Variants in MOSPD3 observed in about 807,000 individuals in gnomAD.
MOSPD3 encodes motile sperm domain containing 3, also known as motile sperm domain-containing protein 3.
In MOSPD3, 20 loss-of-function variants were observed where a neutral mutation model predicts 23.3. The ratio of observed to expected loss-of-function variants is 0.86; its 90% confidence interval spans 0.61 to 1.25. The LOEUF (loss-of-function observed/expected upper bound fraction) is 1.25, where lower values mean the gene tolerates loss of function less well. Among genes scored for constraint, MOSPD3 ranks in the 50% most tolerant of loss-of-function variants. MOSPD3 has a pLI of 0.00. For synonymous variants in MOSPD3, 136 were observed against 135.2 expected, an observed-to-expected ratio of 1.01 and a Z score of -0.04; for missense variants, 307 against 315.7, an observed-to-expected ratio of 0.97 and a Z score of 0.21.
At chr7:100,614,554 A>G (rs555251540) in intron 3 of MOSPD3, among the ~76,000 whole-genome samples, 1 of 151,720 alleles carries the variant, frequency 6.6e-6, no homozygotes, top group South Asian at 2.1e-4. Context: ...GGAGGATTGC[A>G]ATTGCTCGAG....
Position 100,613,629 on chromosome 7 carries a change from A to T in MOSPD3, c.434A>T (p.Gln145Leu). 1 of 1,614,116 alleles carries T rather than the reference A, an allele frequency of 6.2e-7. No homozygotes were observed. The highest frequency in any genetic ancestry group is 8.5e-7 in the Non-Finnish European group (1 of 1,180,004). The change falls in exon 3 of 5, where the codon CAG becomes CTG. Residue 145 changes from glutamine (Q) to leucine (L), a missense_variant. Transcript: ENST00000393950. ...LRAPAYPLELQGQPDPAPRPG... is the reference protein window; with the variant it reads ...LRAPAYPLELLGQPDPAPRPG... The stretch of plus-strand genomic sequence containing the variant: ...GCCCCAGCGTACCCCCTTGAGCTTC[A>T]GGGACAGCCAGATCCAGCGCCTCGC...
chr7:100,613,494 C>G lies in MOSPD3; in HGVS notation c.299C>G (p.Ala100Gly). The G allele has an allele frequency of 6.2e-7, 1 of 1,614,164 alleles. No homozygotes were observed. Among genetic ancestry groups the G allele is most frequent in the African/African-American group, 1.3e-5 (1 of 75,052 alleles). ...SCIDIVIRHV[A>G]PIPSHYDVQD... The stretch of plus-strand genomic sequence containing the variant: ...GGGACCAGTGTGATTCGCCATGTGG[C>G]ACCCATTCCCAGCCACTATGATGTC... Residue 100 changes from alanine to glycine, a missense_variant, in exon 3 of 5, where the codon GCA (alanine) becomes GGA (glycine). Coordinates refer to ENST00000393950, the MANE Select transcript of MOSPD3 (RefSeq NM_023948.5).
In MOSPD3 at chr7:100,615,227, G is replaced by A. The variant is rs866886096; in HGVS notation, c.*44G>A. Reference sequence around the variant, plus strand: ...AGCCCACCCCACCCTCCCTGGGCAGGGTCTTGAGGCAGCCACTGTGATGCT... The same window carrying A: ...AGCCCACCCCACCCTCCCTGGGCAGAGTCTTGAGGCAGCCACTGTGATGCT... On this transcript the variant is annotated 3_prime_UTR_variant, in exon 5 of 5. Transcript: ENST00000393950. 1 of 1,596,232 alleles carries A rather than the reference G, an allele frequency of 6.3e-7. No homozygotes were observed. Among genetic ancestry groups the A allele is most frequent in the Non-Finnish European group, 8.6e-7 (1 of 1,167,998 alleles).
Position 100,614,832 on chromosome 7 carries a change from G to T in MOSPD3, c.512-35G>T, listed in dbSNP as rs184914150. On this transcript the variant is annotated intron_variant, in intron 3 of 4. Coordinates refer to ENST00000393950, the MANE Select transcript of MOSPD3 (RefSeq NM_023948.5). The stretch of plus-strand genomic sequence containing the variant: ...TGGAGGACCTGGGCTGGGCAGGAGT[G>T]GGGGCTGCAGCATCTGATGAGTCTT... 494 of 1,590,030 alleles carry T rather than the reference G, an allele frequency of 3.1e-4. No homozygotes were observed. In the African/African-American group the frequency reaches 5.6e-3, roughly 18 times the overall value.
intron 3 of MOSPD3, 115 bp downstream of exon 3, chr7:100,613,821 G>C (rs776191627): frequency 1.8e-5 from 17 of 922,668 alleles, no homozygotes; most frequent in Non-Finnish European, 2.6e-5. Flanking sequence ...TTGTCTTTTG[G>C]TGGAAACATT....
chr7:100,614,832 G>C lies in MOSPD3; in HGVS notation c.512-35G>C, dbSNP rs184914150. 45 of 1,590,030 alleles carry C rather than the reference G, an allele frequency of 2.8e-5. No individual in the cohort carries two copies. The East Asian group carries it at 7.2e-4, about 26-fold the overall frequency. ...TGGAGGACCTGGGCTGGGCAGGAGT[G>C]GGGGCTGCAGCATCTGATGAGTCTT... On this transcript the variant is annotated intron_variant, in intron 3 of 4. Coordinates refer to ENST00000393950, the MANE Select transcript of MOSPD3 (RefSeq NM_023948.5).
chr7:100,612,487 TGAGGA>T (rs1802852089), upstream of MOSPD3: 1 of 259,382 alleles, frequency 3.9e-6, no homozygotes, highest in Admixed American at 5.2e-5. Flanking sequence ...GAGCTGGGCG[TGAGGA>T]GAAGGCCGGG....
At position 100,613,699 on chromosome 7, in the gene MOSPD3, C is replaced by A; in HGVS notation, c.504C>A (p.Phe168Leu). 1 of 1,612,098 alleles carries A rather than the reference C, an allele frequency of 6.2e-7. No homozygotes were observed. Among genetic ancestry groups the A allele is most frequent in the Non-Finnish European group, 8.5e-7 (1 of 1,179,910 alleles). Reference protein sequence around the residue: ...AGTPPPTARHFQEHPRQQLAT... With the variant: ...AGTPPPTARHLQEHPRQQLAT... Reference sequence around the variant, plus strand: ...CACCACCACCCACGGCCAGACACTTCCAGGAGCGTGAGTTGGGAGACTGGG... The same window carrying A: ...CACCACCACCCACGGCCAGACACTTACAGGAGCGTGAGTTGGGAGACTGGG... Residue 168 changes from phenylalanine to leucine, a missense_variant, in exon 3 of 5, where the codon TTC becomes TTA. Physicochemically the swap from Phe to Leu is conservative, Grantham distance 22. Coordinates refer to ENST00000393950, the MANE Select transcript of MOSPD3 (RefSeq NM_023948.5).
intron 4 of MOSPD3, 52 bp from the exon 5 acceptor site, chr7:100,615,100 A>G: frequency 1.2e-6 from 2 of 1,614,156 alleles, no homozygotes; most frequent in African/African-American, 1.3e-5. Context: ...GAGAGCTAAC[A>G]GAGCCCCAGG....
intron 3 of MOSPD3, 82 bp from the exon 4 acceptor site, chr7:100,614,785 C>T: frequency 1.4e-6 from 2 of 1,413,674 alleles, no homozygotes; most frequent in Non-Finnish European, 9.5e-7. Context: ...GTAGATACAT[C>T]TTCCTTGTTC....
In MOSPD3 at chr7:100,615,165, G is replaced by C; in HGVS notation, c.690G>C (p.Met230Ile). ...VAAYVLGLLTMVFLRT is the reference protein window; with the variant it reads ...VAAYVLGLLTIVFLRT ...TCCCCCCTCCAGGCCTCCTCACCAT[G>C]GTGTTCCTCCGGACCTGAGCTCCGT... is the stretch of plus-strand genomic sequence containing the variant. The change falls in exon 5 of 5, where the codon ATG becomes ATC. Residue 230 changes from methionine (M) to isoleucine (I), a missense_variant. Coordinates refer to ENST00000393950, the MANE Select transcript of MOSPD3 (RefSeq NM_023948.5). The C allele has an allele frequency of 6.2e-7, 1 of 1,613,998 alleles. No homozygotes were observed. Among genetic ancestry groups the C allele is most frequent in the Non-Finnish European group, 8.5e-7 (1 of 1,180,014 alleles).
intron 4 of MOSPD3, 28 bp from the exon 5 acceptor site, chr7:100,615,124 C>G: frequency 2.5e-6 from 4 of 1,614,082 alleles, no homozygotes; most frequent in Non-Finnish European, 3.4e-6. Flanking sequence ...GCCCATGCGA[C>G]CCTATTCTTT....
At position 100,614,467 on chromosome 7, in the gene MOSPD3, C is replaced by CAAA. The variant is rs56091610; in HGVS notation, c.512-388_512-386dup. ...GGTGCAACAGAGTGAGACTCCGTCT[C>CAAA]AAAAAAAAAAAAAAGTAGATACAGG... is the stretch of plus-strand genomic sequence containing the variant. On this transcript the variant is annotated intron_variant, in intron 3 of 4. Transcript: ENST00000393950. 1.4e-3 allele frequency among the ~76,000 whole-genome samples: 183 copies of CAAA among 128,784 alleles called. 2 individuals carry two copies. The South Asian group carries it at 0.032, about 22-fold the overall frequency. 84.5% of individuals were successfully genotyped at this position (128,784 alleles called of 152,430 possible).
At chr7:100,614,384 T>C (rs571672771) in intron 3 of MOSPD3, among the ~76,000 whole-genome samples, 8 of 151,644 alleles carry the variant, frequency 5.3e-5, no homozygotes, top group African/African-American at 1.9e-4. Flanking sequence ...GAGAATCACT[T>C]GAACCTAGGA....
At position 100,612,990 on chromosome 7, in the gene MOSPD3, T is replaced by A; in HGVS notation, c.199T>A (p.Phe67Ile). 2 of 1,614,042 alleles carry A rather than the reference T, an allele frequency of 1.2e-6. No individual in the cohort carries two copies. The highest frequency in any genetic ancestry group is 1.7e-6 in the Non-Finnish European group (2 of 1,180,000). ...TAACCCCACAGGAACTGCGCTTCGC[T>A]TCCGAGGTAAAGGGATCGGCGCCTC... ...LYNPTGTALR[F>I]RVLCTAPAKY... The change falls in exon 1 of 5, where the codon TTC becomes ATC. Residue 67 changes from phenylalanine to isoleucine, a missense_variant. By Grantham distance (21) the Phe-to-Ile change is conservative (BLOSUM62 0). Transcript: ENST00000393950.
At position 100,612,984 on chromosome 7, in the gene MOSPD3, C is replaced by T; in HGVS notation, c.193C>T (p.Leu65Phe). 2 of 1,614,114 alleles carry T rather than the reference C, an allele frequency of 1.2e-6. No homozygotes were observed. Among genetic ancestry groups the T allele is most frequent in the Non-Finnish European group, 1.7e-6 (2 of 1,180,024 alleles). ...CCTCTATAACCCCACAGGAACTGCG[C>T]TTCGCTTCCGAGGTAAAGGGATCGG... is the stretch of plus-strand genomic sequence containing the variant. ...LTLYNPTGTA[L>F]RFRVLCTAPA... Residue 65 changes from leucine (L) to phenylalanine (F), a missense_variant, in exon 1 of 5, where the codon CTT becomes TTT. Transcript: ENST00000393950.
At chr7:100,614,726 T>TA in intron 3 of MOSPD3, 141 bp from the exon 4 acceptor site, 1 of 962,712 alleles carries the variant, frequency 1.0e-6, no homozygotes, top group Non-Finnish European at 1.5e-6. Context: ...CTGGACAACG[T>TA]AGTGAGACTC....
At chr7:100,613,173 G>C in intron 1 of MOSPD3, 21 bp from the exon 2 acceptor site, 1 of 1,613,298 alleles carries the variant, frequency 6.2e-7, no homozygotes, top group Non-Finnish European at 8.5e-7. Flanking sequence ...GGGCTTGTCT[G>C]TGTGTGTCTC....
At position 100,615,030 on chromosome 7, in the gene MOSPD3, G is replaced by C. The variant is rs768683411; in HGVS notation, c.675G>C (p.Leu225Phe). 1 of 1,614,216 alleles carries C rather than the reference G, an allele frequency of 6.2e-7. No homozygotes were observed. The highest frequency in any genetic ancestry group is 1.3e-5 in the African/African-American group (1 of 75,064). ...AAAAGTTGGTGGCCGCCTACGTCTT[G>C]GGTGAGGACAGTAGTGGCCAGGGAC... ...LGQKLVAAYVLGLLTMVFLRT is the reference protein window; with the variant it reads ...LGQKLVAAYVFGLLTMVFLRT Residue 225 changes from leucine (L) to phenylalanine (F), a missense_variant and splice_region_variant, in exon 4 of 5, where the codon TTG becomes TTC. By Grantham distance (22) the Leu-to-Phe change is conservative. Coordinates refer to ENST00000393950, the MANE Select transcript of MOSPD3 (RefSeq NM_023948.5).
Sources: allele counts gnomAD v4.1 joint callset (sites outside exome capture counted in the v4.1 genomes callset), GRCh38; gene constraint gnomAD v4.1.1; transcripts MANE v1.5; gene names NCBI Gene and HGNC (gene_info 2026-07-23, HGNC 2026-07-21).